The following MCF2L2 variants were observed in gnomAD, a reference collection of about 807,000 sequenced individuals.
MCF2L2 encodes the protein probable guanine nucleotide exchange factor MCF2L2.
In MCF2L2, 102 loss-of-function variants were observed where a neutral mutation model predicts 150.2. The ratio of observed to expected loss-of-function variants is 0.68; its 90% CI spans 0.58 to 0.80. The LOEUF is 0.80. Ranked by LOEUF, MCF2L2 falls within the 30% of genes least tolerant of loss-of-function variation. MCF2L2 has a pLI of 0.00. For missense variants in MCF2L2, 1,256 were observed against 1,372.8 expected (o/e 0.91, Z 1.34); for synonymous variants, 465 against 491.3 (o/e 0.95, Z 0.71).
At chr3:183,391,470 G>A (rs1383901626) in intron 1 of MCF2L2, among the ~76,000 whole-genome samples, 1 of 152,024 alleles carries the variant, frequency 6.6e-6, no homozygotes, top group Non-Finnish European at 1.5e-5. Flanking sequence ...GTGTAATAAC[G>A]GCATGGTAGT....
chr3:183,270,410 T>C lies in MCF2L2; in HGVS notation c.1862+6462A>G, dbSNP rs764354287. 8.7e-6 allele frequency: 14 copies of C among 1,614,240 alleles called. No individual in the cohort carries two copies. In the South Asian group the frequency reaches 1.4e-4, roughly 16 times the overall value. ...TATTTATTCACATGCCAAATCTGATTGAGTACCTTCAAAGTTTAGAACAAA... is the reference window on the plus strand; with the variant it reads ...TATTTATTCACATGCCAAATCTGATCGAGTACCTTCAAAGTTTAGAACAAA... On this transcript the variant is annotated intron_variant, in intron 15 of 29. Transcript: ENST00000328913. The surrounding 1 kb of genome is among the most constrained non-coding windows in gnomAD (Gnocchi z 4.5).
chr3:183,387,986 G>A lies in MCF2L2; in HGVS notation c.160+1710C>T, dbSNP rs147213923. ...ACAATAACCCCATCATACAGATGAG[G>A]AAACTGAGGTTTAGAGAAGTAAGTT... On this transcript the variant is annotated intron_variant, in intron 2 of 29. Coordinates refer to ENST00000328913, the MANE Select transcript of MCF2L2 (RefSeq NM_015078.4). Among the ~76,000 whole-genome samples the A allele has an allele frequency of 3.7e-3, 551 of 150,288 alleles. 3 individuals are homozygous for A. Among genetic ancestry groups the A allele is most frequent in the African/African-American group, 0.013 (525 of 41,080 alleles).
intron 7 of MCF2L2, among the ~76,000 whole-genome samples, chr3:183,316,196 T>G (rs1313085011): frequency 6.6e-6 from 1 of 152,212 alleles, no homozygotes; most frequent in Non-Finnish European, 1.5e-5. Context: ...AGGAATCACG[T>G]GAACTTAGCC....
intron 1 of MCF2L2, among the ~76,000 whole-genome samples, chr3:183,390,279 C>G (rs1323960894): frequency 6.6e-6 from 1 of 152,070 alleles, no homozygotes; most frequent in Admixed American, 6.5e-5. Context: ...ATCTCCATTC[C>G]TTTTTTTCCC....
chr3:183,387,333 G>T (rs896931162), intron 2 of MCF2L2, among the ~76,000 whole-genome samples: 1 of 151,786 alleles, frequency 6.6e-6, no homozygotes, highest in African/African-American at 2.4e-5. Flanking sequence ...AGAAATGAAG[G>T]GTTATCTTTA....
chr3:183,361,019 AAAAGAGAAAAG>A (rs1712135501), intron 3 of MCF2L2, among the ~76,000 whole-genome samples: 2 of 144,124 alleles, frequency 1.4e-5, no homozygotes, highest in African/African-American at 2.7e-5. Flanking sequence ...AAAAGAAAAG[AAAAGAGAAAAG>A]AAAAGGAAGA....
At chr3:183,203,313 G>A (rs77066450) in intron 25 of MCF2L2, among the ~76,000 whole-genome samples, 9,674 of 152,212 alleles carry the variant, frequency 0.064, 419 homozygotes, top group East Asian at 0.11. Flanking sequence ...TGTTCAAAAA[G>A]TTAAAGGAAA....
chr3:183,380,649 G>A (rs370498106), intron 2 of MCF2L2, among the ~76,000 whole-genome samples: 22 of 152,232 alleles, frequency 1.4e-4, no homozygotes, highest in African/African-American at 2.6e-4. Flanking sequence ...TGATCCACCC[G>A]CCTCGGCCTC....
rs1729042316 is a variant in MCF2L2 at position 183,305,256 on chromosome 3, T to C, written c.1113+4460A>G. On this transcript the variant is annotated intron_variant, in intron 10 of 29. Transcript: ENST00000328913. This position sits in a 1 kb window ranked among gnomAD's most constrained non-coding sequence, Gnocchi z 4.1. ...GCCTAAACTTAGAGACCTCATTTGG[T>C]TGCTCGAACTTGTCTGACTTTAGTC... is the stretch of plus-strand genomic sequence containing the variant. Among the ~76,000 whole-genome samples, 1 of 152,034 alleles carries C rather than the reference T, an allele frequency of 6.6e-6. No homozygotes were observed. The highest frequency in any genetic ancestry group is 6.6e-5 in the Admixed American group (1 of 15,260).
At chr3:183,298,765 G>GCGCGCACGCGCGCGCGCGCGCACACA in intron 11 of MCF2L2, 2 of 138,500 alleles carry the variant, frequency 1.4e-5, no homozygotes, top group African/African-American at 5.8e-5. Flanking sequence ...AAACACACAT[G>GCGCGCACGCGCGCGCGCGCGCACACA]CACACACACA....
At chr3:183,418,641 G>C (rs867883412) in intron 1 of MCF2L2, among the ~76,000 whole-genome samples, 38 of 152,136 alleles carry the variant, frequency 2.5e-4, no homozygotes, top group African/African-American at 8.9e-4. Flanking sequence ...GGGGCTACAG[G>C]CCTCACACAA....
At position 183,424,361 on chromosome 3, in the gene MCF2L2, G is replaced by A. The variant is rs1577146199; in HGVS notation, c.76+3541C>T. Among the ~76,000 whole-genome samples, 3 of 152,162 alleles carry A rather than the reference G, an allele frequency of 2.0e-5. No individual in the cohort carries two copies. The South Asian group carries it at 6.2e-4, about 32-fold the overall frequency. ...ATGAGGAACACATGAAGGGCTTCATGTTTACTTTCAAATGGGGTTTTGGAG... is the reference window on the plus strand; with the variant it reads ...ATGAGGAACACATGAAGGGCTTCATATTTACTTTCAAATGGGGTTTTGGAG... On this transcript the variant is annotated intron_variant, in intron 1 of 29. Transcript: ENST00000328913.
At position 183,214,133 on chromosome 3, in the gene MCF2L2, CT is replaced by C. The variant is rs1722830479; in HGVS notation, c.2496+1835del. On this transcript the variant is annotated intron_variant, in intron 22 of 29. Coordinates refer to ENST00000328913, the MANE Select transcript of MCF2L2 (RefSeq NM_015078.4). Reference sequence around the variant, plus strand: ...TATGTTATTTACACTGTTTCCTGCCCTGTGTATTGTTTCCAGGACATTCATT... The same window carrying C: ...TATGTTATTTACACTGTTTCCTGCCCGTGTATTGTTTCCAGGACATTCATT... 1.3e-5 allele frequency among the ~76,000 whole-genome samples: 2 copies of C among 152,158 alleles called. 1 individual carries two copies. The highest frequency in any genetic ancestry group is 4.1e-4 in the South Asian group (2 of 4,832).
rs147877453 is a variant in MCF2L2 at position 183,413,671 on chromosome 3, G to A, written c.76+14231C>T. 4.8e-3 allele frequency among the ~76,000 whole-genome samples: 734 copies of A among 152,306 alleles called. 9 individuals are homozygous for A. Among genetic ancestry groups the A allele is most frequent in the African/African-American group, 0.014 (596 of 41,560 alleles). ...CCAGTTCCTCGCCCTGTAAAGCCCT[G>A]CAGTAGTCTGTAAGCAGGGCTGCCT... On this transcript the variant is annotated intron_variant, in intron 1 of 29. Transcript: ENST00000328913.
intron 3 of MCF2L2, among the ~76,000 whole-genome samples, chr3:183,342,208 C>A (rs1509008): frequency 1.3e-5 from 2 of 152,192 alleles, no homozygotes; most frequent in South Asian, 2.1e-4. Context: ...CAAGTCCTCA[C>A]GAAATTCTCA....
chr3:183,387,527 G>A (rs1713900280), intron 2 of MCF2L2, among the ~76,000 whole-genome samples: 1 of 152,008 alleles, frequency 6.6e-6, no homozygotes, highest in African/African-American at 2.4e-5. Flanking sequence ...ACTTGTAATA[G>A]AACCCCAAAA....
intron 20 of MCF2L2, among the ~76,000 whole-genome samples, chr3:183,222,071 C>T (rs1723168884): frequency 6.6e-6 from 1 of 152,098 alleles, no homozygotes; most frequent in African/African-American, 2.4e-5. Context: ...GCTATGTTGC[C>T]CAGGCTAGTC....
At chr3:183,192,793 C>G in intron 27 of MCF2L2, 1 of 476,178 alleles carries the variant, frequency 2.1e-6, no homozygotes, top group South Asian at 4.3e-5. Flanking sequence ...AGACATTTGC[C>G]CTTCATGTTA....
At position 183,271,028 on chromosome 3, in the gene MCF2L2, G is replaced by A. The variant is rs2108447894; in HGVS notation, c.1862+5844C>T. On this transcript the variant is annotated intron_variant, in intron 15 of 29. Coordinates refer to ENST00000328913, the MANE Select transcript of MCF2L2 (RefSeq NM_015078.4). Reference sequence around the variant, plus strand: ...TTCGTCTATACCCTAAGTAAAATGAGGACGAAAGACAAATATTTTGAAAGC... The same window carrying A: ...TTCGTCTATACCCTAAGTAAAATGAAGACGAAAGACAAATATTTTGAAAGC... 4 of 1,206,410 alleles carry A rather than the reference G, an allele frequency of 3.3e-6. No individual in the cohort carries two copies. The South Asian group carries it at 5.4e-5, about 16-fold the overall frequency. The allele number at this position is 1,206,410 out of a possible 1,614,324, so 74.7% of individuals were successfully genotyped here.
Sources: gnomAD v4.1 joint callset for allele counts (sites outside exome capture counted in the v4.1 genomes callset) on GRCh38, gnomAD v4.1.1 for gene constraint, Gnocchi (gnomAD v3.1) non-coding constraint, MANE v1.5 for transcripts, NCBI Gene and HGNC (gene_info 2026-07-23, HGNC 2026-07-21) for gene names.